Variants in EPHB1 observed in about 807,000 individuals in gnomAD.
The protein encoded by EPHB1 is ephrin type-B receptor 1.
A neutral mutation model predicts 94.4 loss-of-function variants in EPHB1; 30 were observed. The ratio of observed to expected loss-of-function variants is 0.32; its 90% CI spans 0.24 to 0.43. The LOEUF (loss-of-function observed/expected upper bound fraction) is 0.43, where lower values mean the gene tolerates loss of function less well. EPHB1 is among the 20% of genes least tolerant of loss of function. EPHB1 has a pLI of 1.00. For missense variants in EPHB1, 1,055 were observed against 1,308.3 expected (o/e 0.81, Z 2.99); for synonymous variants, 522 against 489.1 (o/e 1.07, Z -0.89).
chr3:135,075,812 A>G (rs143745522), intron 3 of EPHB1, among the ~76,000 whole-genome samples: 2 of 152,298 alleles, frequency 1.3e-5, no homozygotes, highest in Non-Finnish European at 2.9e-5. Flanking sequence ...GAAGGAGGAG[A>G]GATGCTCTTT....
intron 3 of EPHB1, among the ~76,000 whole-genome samples, chr3:134,953,805 C>A (rs757235824): frequency 6.6e-6 from 1 of 152,170 alleles, no homozygotes; most frequent in Non-Finnish European, 1.5e-5. Flanking sequence ...TGGAACTTTT[C>A]TTTTTTAGAG....
intron 3 of EPHB1, among the ~76,000 whole-genome samples, chr3:135,006,359 C>T (rs1350410493): frequency 6.6e-6 from 1 of 151,848 alleles, no homozygotes; most frequent in African/African-American, 2.4e-5. Context: ...TACAGAATTT[C>T]GTGTTGGGGA....
intron 3 of EPHB1, among the ~76,000 whole-genome samples, chr3:135,046,889 T>C (rs1029835331): frequency 2.0e-5 from 3 of 152,240 alleles, no homozygotes; most frequent in African/African-American, 7.2e-5. Flanking sequence ...TACCTATTCT[T>C]ATTGTAAAAG....
intron 2 of EPHB1, among the ~76,000 whole-genome samples, chr3:134,935,927 C>T (rs1443540782): frequency 1.3e-5 from 2 of 152,156 alleles, no homozygotes; most frequent in Non-Finnish European, 2.9e-5. Flanking sequence ...TCACTGGGAC[C>T]CTGCAAGGAA....
At chr3:134,880,967 A>T (rs1202072595) in intron 1 of EPHB1, among the ~76,000 whole-genome samples, 1 of 152,194 alleles carries the variant, frequency 6.6e-6, no homozygotes, top group East Asian at 1.9e-4. Context: ...AGTTAAAGTG[A>T]ATAAAATTGT....
At chr3:134,856,252 C>G (rs2037114157) in intron 1 of EPHB1, among the ~76,000 whole-genome samples, 1 of 152,064 alleles carries the variant, frequency 6.6e-6, no homozygotes, top group Admixed American at 6.6e-5. Context: ...CAGACAGGAC[C>G]AGGCCTGGAA....
At chr3:134,887,135 A>C (rs2037877472) in intron 1 of EPHB1, among the ~76,000 whole-genome samples, 1 of 151,850 alleles carries the variant, frequency 6.6e-6, no homozygotes, top group African/African-American at 2.4e-5. Context: ...TACTTGGCCC[A>C]CTCCTGTAGC....
intron 12 of EPHB1, among the ~76,000 whole-genome samples, chr3:135,207,038 T>G (rs1339321301): frequency 6.6e-6 from 1 of 152,256 alleles, no homozygotes; most frequent in Non-Finnish European, 1.5e-5. Context: ...ACTGAAATTC[T>G]ACTCTGTCTT....
intron 2 of EPHB1, among the ~76,000 whole-genome samples, chr3:134,937,513 T>C (rs1267519433): frequency 1.3e-5 from 2 of 152,250 alleles, no homozygotes; most frequent in African/African-American, 4.8e-5. Context: ...CCAGCCAGCA[T>C]GGCTTACGCT....
intron 3 of EPHB1, among the ~76,000 whole-genome samples, chr3:135,079,640 CCTT>C (rs1413483717): frequency 3.3e-5 from 5 of 152,048 alleles, no homozygotes; most frequent in African/African-American, 1.2e-4. Flanking sequence ...TGGCAGCTCT[CCTT>C]CTCTTTCTCT....
intron 12 of EPHB1, among the ~76,000 whole-genome samples, chr3:135,222,464 A>T (rs1450467291): frequency 1.3e-5 from 2 of 152,164 alleles, no homozygotes. Context: ...TTTGAAGCAA[A>T]TAGGGGCACG....
chr3:134,941,664 A>G (rs975656688), intron 2 of EPHB1, among the ~76,000 whole-genome samples: 1 of 149,492 alleles, frequency 6.7e-6, no homozygotes, highest in Non-Finnish European at 1.5e-5. Flanking sequence ...AGATGGACCA[A>G]TGAGTAGAGC....
chr3:135,217,468 G>GCA (rs377293384), intron 12 of EPHB1, among the ~76,000 whole-genome samples: 162 of 102,170 alleles, frequency 1.6e-3, no homozygotes, highest in African/African-American at 5.2e-3. Flanking sequence ...ACACACACAC[G>GCA]CACACGGGGA....
intron 3 of EPHB1, among the ~76,000 whole-genome samples, chr3:134,952,970 G>A (rs1219218691): frequency 6.6e-6 from 1 of 152,152 alleles, no homozygotes; most frequent in Non-Finnish European, 1.5e-5. Context: ...ATTAAATTTT[G>A]CTTGGAGCCT....
chr3:135,030,990 G>C (rs1399962656), intron 3 of EPHB1, among the ~76,000 whole-genome samples: 1 of 152,144 alleles, frequency 6.6e-6, no homozygotes, highest in Non-Finnish European at 1.5e-5. Flanking sequence ...TATTCTCCAG[G>C]TGCCGTCCAT....
intron 3 of EPHB1, among the ~76,000 whole-genome samples, chr3:135,019,462 C>T (rs1221285761): frequency 6.6e-6 from 1 of 152,136 alleles, no homozygotes; most frequent in Admixed American, 6.5e-5. Flanking sequence ...ATGAATATGT[C>T]AGAAAAATGA....
Position 135,021,844 on chromosome 3 carries a change from AAT to A in EPHB1, c.805+69799_805+69800del, listed in dbSNP as rs530129334. Among the ~76,000 whole-genome samples, 1,389 of 152,320 alleles carry A rather than the reference AAT, an allele frequency of 9.1e-3. 15 individuals carry two copies. Among genetic ancestry groups the A allele is most frequent in the Non-Finnish European group, 0.012 (817 of 68,024 alleles). The stretch of plus-strand genomic sequence containing the variant: ...TTAACTTGAAAGAATAGTAAAGAAG[AAT>A]ATATATGTTTGGAAATAAGGATATT... On this transcript the variant is annotated intron_variant, in intron 3 of 15. Transcript: ENST00000398015.
At chr3:135,053,049 A>ATATATATATATATATATG (rs1208348401) in intron 3 of EPHB1, among the ~76,000 whole-genome samples, 1 of 136,818 alleles carries the variant, frequency 7.3e-6, no homozygotes, top group African/African-American at 2.8e-5. Context: ...ATATATATAT[A>ATATATATATATATATATG]TATATAAAGT....
At chr3:135,211,763 T>A (rs1382346928) in intron 12 of EPHB1, among the ~76,000 whole-genome samples, 3 of 152,194 alleles carry the variant, frequency 2.0e-5, no homozygotes, top group Non-Finnish European at 4.4e-5. Flanking sequence ...GCTTCCAAGA[T>A]TTTCTCATTA....
Sources: gnomAD v4.1 joint callset for allele counts (sites outside exome capture counted in the v4.1 genomes callset) on GRCh38, gnomAD v4.1.1 for gene constraint, MANE v1.5 for transcripts, NCBI Gene and HGNC (gene_info 2026-07-23, HGNC 2026-07-21) for gene names.